Variants in AGMO observed in about 807,000 individuals in gnomAD.
AGMO encodes the protein alkylglycerol monooxygenase.
Under a neutral mutation model 60.2 loss-of-function variants are expected in AGMO, and 75 were observed. The ratio of observed to expected loss-of-function variants is 1.25; its 90% CI spans 1.03 to 1.51. The LOEUF (loss-of-function observed/expected upper bound fraction) is 1.51, where lower values mean the gene tolerates loss of function less well. AGMO is among the 40% of genes most tolerant of loss of function. AGMO has a pLI of 0.00. For missense variants in AGMO, 763 were observed against 525.5 expected, an observed-to-expected ratio of 1.45 and a Z score of -4.42; for synonymous variants, 261 against 177.1, an observed-to-expected ratio of 1.47 and a Z score of -3.76.
intron 12 of AGMO, among the ~76,000 whole-genome samples, chr7:15,304,275 C>G (rs1048382107): frequency 2.0e-5 from 3 of 152,136 alleles, no homozygotes; most frequent in Non-Finnish European, 4.4e-5. Context: ...ATCCCTTTCT[C>G]TTCTCCAGCT....
intron 3 of AGMO, among the ~76,000 whole-genome samples, chr7:15,446,851 C>T (rs1162013708): frequency 1.3e-5 from 2 of 152,140 alleles, no homozygotes; most frequent in Non-Finnish European, 2.9e-5. Context: ...TCTGGTGTCA[C>T]TGCTAGGAAG....
chr7:15,155,419 C>CTTTTTTTTTTT, the AGMO span, among the ~76,000 whole-genome samples: 13 of 63,912 alleles, frequency 2.0e-4, no homozygotes, highest in African/African-American at 2.6e-4. Flanking sequence ...TACAGAATTT[C>CTTTTTTTTTTT]TTTTTTTTTT....
intron 12 of AGMO, among the ~76,000 whole-genome samples, chr7:15,210,284 T>A (rs1781551415): frequency 6.6e-6 from 1 of 152,178 alleles, no homozygotes; most frequent in South Asian, 2.1e-4. Context: ...TTCTTTTTCA[T>A]ATGTTCAAAA....
At chr7:15,440,060 G>T (rs1472308996) in intron 3 of AGMO, among the ~76,000 whole-genome samples, 1 of 152,172 alleles carries the variant, frequency 6.6e-6, no homozygotes, top group Admixed American at 6.5e-5. Flanking sequence ...GCGAGAGGGG[G>T]TTTCTGATCT....
chr7:15,280,822 C>T (rs2128518543), intron 12 of AGMO, among the ~76,000 whole-genome samples: 1 of 152,330 alleles, frequency 6.6e-6, no homozygotes, highest in Admixed American at 6.5e-5. Context: ...CAGTTCATTA[C>T]TACTACAATC....
downstream of AGMO, among the ~76,000 whole-genome samples, chr7:15,196,768 T>A (rs1781126957): frequency 6.6e-6 from 1 of 152,208 alleles, no homozygotes; most frequent in African/African-American, 2.4e-5. Flanking sequence ...TGGGGCTTAC[T>A]GCTGTTAAAA....
rs1245014701 is a variant in AGMO at position 15,212,800 on chromosome 7, C to T, written c.1264-11441G>A. On this transcript the variant is annotated intron_variant, in intron 12 of 12. Coordinates refer to ENST00000342526, the MANE Select transcript of AGMO (RefSeq NM_001004320.2). ...ACCTTAGGCAAGTTATTTAATCCTGCTATGCCTCAGTATCTTCAGCTGAAA... is the reference window on the plus strand; with the variant it reads ...ACCTTAGGCAAGTTATTTAATCCTGTTATGCCTCAGTATCTTCAGCTGAAA... Among the ~76,000 whole-genome samples the T allele has an allele frequency of 2.0e-5, 3 of 151,966 alleles. No homozygotes were observed. The East Asian group carries it at 5.8e-4, about 29-fold the overall frequency.
At chr7:15,307,466 T>C (rs956716059) in intron 12 of AGMO, among the ~76,000 whole-genome samples, 2 of 152,028 alleles carry the variant, frequency 1.3e-5, no homozygotes, top group African/African-American at 4.8e-5. Flanking sequence ...AACAGGACTC[T>C]AGTTGATTTG....
rs1160149225 is a variant in AGMO, at chr7:15,354,443, C to G, written c.1263+11071G>C. Among the ~76,000 whole-genome samples, 64 of 18,860 alleles carry G rather than the reference C, an allele frequency of 3.4e-3. 8 individuals are homozygous for G. In the East Asian group the frequency reaches 0.057, roughly 17 times the overall value. The allele number at this position is 18,860 out of a possible 152,430, so 12.4% of individuals were successfully genotyped here. The stretch of plus-strand genomic sequence containing the variant: ...GTATACACACACGTGTGTGTATACA[C>G]ACGTGTGTGTATACACACGTGTGTG... On this transcript the variant is annotated intron_variant, in intron 12 of 12. Coordinates refer to ENST00000342526, the MANE Select transcript of AGMO (RefSeq NM_001004320.2).
rs558645967 is a variant in AGMO at position 15,263,541 on chromosome 7, C to T, written c.1264-62182G>A. Reference sequence around the variant, plus strand: ...CCTTAAAGAACTAAAGTAGATTTACCGTTTGATCACCAATCCCACTACTAG... The same window carrying T: ...CCTTAAAGAACTAAAGTAGATTTACTGTTTGATCACCAATCCCACTACTAG... On this transcript the variant is annotated intron_variant, in intron 12 of 12. Coordinates refer to ENST00000342526, the MANE Select transcript of AGMO (RefSeq NM_001004320.2). 4.6e-5 allele frequency among the ~76,000 whole-genome samples: 7 copies of T among 152,074 alleles called. No homozygotes were observed. In the South Asian group the frequency reaches 8.3e-4, roughly 18 times the overall value.
intron 12 of AGMO, among the ~76,000 whole-genome samples, chr7:15,318,340 C>G (rs1366416901): frequency 6.6e-6 from 1 of 152,006 alleles, no homozygotes; most frequent in African/African-American, 2.4e-5. Context: ...TGGCATTATT[C>G]TTTATATGAG....
At chr7:15,442,288 TTTG>T (rs765912456) in intron 3 of AGMO, among the ~76,000 whole-genome samples, 1 of 152,186 alleles carries the variant, frequency 6.6e-6, no homozygotes, top group Non-Finnish European at 1.5e-5. Context: ...GATGACTTAG[TTTG>T]TTCTTTCTTC....
At chr7:15,244,089 T>C (rs1782671474) in intron 12 of AGMO, among the ~76,000 whole-genome samples, 1 of 152,110 alleles carries the variant, frequency 6.6e-6, no homozygotes, top group Non-Finnish European at 1.5e-5. Context: ...GCAAACCCTG[T>C]CTGAGAGACA....
chr7:15,191,943 TCTCA>T, the AGMO span, among the ~76,000 whole-genome samples: 15 of 137,148 alleles, frequency 1.1e-4, no homozygotes, highest in African/African-American at 3.4e-4. Flanking sequence ...GAATAAAATC[TCTCA>T]CTCTCACTCT....
At chr7:15,351,801 G>A (rs1207107730) in intron 12 of AGMO, among the ~76,000 whole-genome samples, 1 of 152,094 alleles carries the variant, frequency 6.6e-6, no homozygotes, top group Non-Finnish European at 1.5e-5. Context: ...AAAACAGTAA[G>A]CAAACATATT....
At chr7:15,179,458 A>C in the AGMO span, among the ~76,000 whole-genome samples, 6 of 152,210 alleles carry the variant, frequency 3.9e-5, no homozygotes, top group African/African-American at 1.4e-4. Context: ...TGTCTCAAGT[A>C]AGTAAAAAAC....
At chr7:15,436,316 A>G (rs1345532298) in intron 3 of AGMO, among the ~76,000 whole-genome samples, 3 of 72,568 alleles carry the variant, frequency 4.1e-5, no homozygotes, top group Admixed American at 2.2e-4. Context: ...AGGCACTGGT[A>G]GGTTAGAGTT....
At chr7:15,529,667 C>CTATATACAGAATATATATACTA (rs1784243011) in intron 3 of AGMO, among the ~76,000 whole-genome samples, 1 of 15,044 alleles carries the variant, frequency 6.6e-5, no homozygotes, top group African/African-American at 2.3e-4. Flanking sequence ...TATATATATT[C>CTATATACAGAATATATATACTA]TATATATATT....
At chr7:15,400,884 C>A (rs1044849390) in intron 5 of AGMO, among the ~76,000 whole-genome samples, 2 of 152,088 alleles carry the variant, frequency 1.3e-5, no homozygotes, top group African/African-American at 4.8e-5. Context: ...ATGAAAGTAG[C>A]CAGAGATGGA....
Sources: gnomAD v4.1 joint callset for allele counts (sites outside exome capture counted in the v4.1 genomes callset) on GRCh38, gnomAD v4.1.1 for gene constraint, MANE v1.5 for transcripts, NCBI Gene and HGNC (gene_info 2026-07-23, HGNC 2026-07-21) for gene names.